CAPN12: variants seen among roughly 807,000 people sequenced by gnomAD.
CAPN12 encodes the protein calpain 12, also known as calpain-12.
A neutral mutation model predicts 95.0 loss-of-function variants in CAPN12; 107 were observed. That is an observed-to-expected ratio of 1.13 (90% CI 0.96 to 1.32). The LOEUF (loss-of-function observed/expected upper bound fraction) is 1.32. Among genes scored for constraint, CAPN12 ranks in the 40% most tolerant of loss-of-function variants. The pLI, the probability that CAPN12 is intolerant of heterozygous loss-of-function variation, is 0.00. For synonymous variants in CAPN12, 505 were observed against 415.5 expected (o/e 1.22, Z -2.62); for missense variants, 1,136 against 997.8 (o/e 1.14, Z -1.87).
At chr19:38,744,595 G>A (rs1046326229), upstream of CAPN12, 63 of 235,426 alleles carry the variant, frequency 2.7e-4, no homozygotes, top group African/African-American at 1.3e-3. Flanking sequence ...CTCTCTCCCC[G>A]CCTTCATGTT....
chr19:38,737,098 G>T, intron 10 of CAPN12, 58 bp downstream of exon 10: 2 of 259,384 alleles, frequency 7.7e-6, no homozygotes, highest in Admixed American at 9.5e-5. Flanking sequence ...TCCTTGGCCC[G>T]GCCCCGCCCC....
intron 18 of CAPN12, among the ~76,000 whole-genome samples, chr19:38,732,271 G>A (rs1007823456): frequency 1.3e-4 from 20 of 152,226 alleles, no homozygotes; most frequent in African/African-American, 4.3e-4. Flanking sequence ...CTCCCTCTCT[G>A]CCCCACGTCT....
rs772891989 is a variant in CAPN12, at chr19:38,740,083, C to T, written c.697G>A (p.Ala233Thr). 3 of 1,606,034 alleles carry T rather than the reference C, an allele frequency of 1.9e-6. No individual in the cohort carries two copies. The highest frequency in any genetic ancestry group is 1.1e-5 in the South Asian group (1 of 90,372). ...GLFSALRHAL[A>T]KESLVGATAL... is the part of the protein sequence containing the mutation. ...GTGGCGCCCACGAGGGACTCCTTGG[C>T]CAGGGCATGGCGCAGGGCAGAGAAC... The change falls in exon 5 of 21, where the codon GCC becomes ACC. Residue 233 changes from alanine to threonine, a missense_variant. By Grantham distance (58) the Ala-to-Thr change is moderately conservative. Coordinates refer to ENST00000328867, the MANE Select transcript of CAPN12 (RefSeq NM_144691.4).
chr19:38,734,889 CTTGTGAGGCCA>C lies in CAPN12; in HGVS notation c.1687-30_1687-20del. 1 of 1,611,784 alleles carries C rather than the reference CTTGTGAGGCCA, an allele frequency of 6.2e-7. No homozygotes were observed. Among genetic ancestry groups the C allele is most frequent in the Non-Finnish European group, 8.5e-7 (1 of 1,179,244 alleles). On this transcript the variant is annotated intron_variant, in intron 14 of 20. Transcript: ENST00000328867. ...CTTCCTCCTAGTCCAGGAAAGAGGGCTTGTGAGGCCATTTACTCATCCAGCTGCTCTGGGCC... is the reference window on the plus strand; with the variant it reads ...CTTCCTCCTAGTCCAGGAAAGAGGGCTTTACTCATCCAGCTGCTCTGGGCC...
In CAPN12 at chr19:38,734,306, GC is replaced by G. The variant is rs756292320; in HGVS notation, c.1815+12del. On this transcript the variant is annotated intron_variant, in intron 16 of 20. Transcript: ENST00000328867. ...CCACTCCCTCCCTCACCCAGGCACT[GC>G]CCCCCATGTACCCCGAAACACTGCA... The G allele has an allele frequency of 1.2e-6, 2 of 1,604,640 alleles. No homozygotes were observed. The highest frequency in any genetic ancestry group is 8.5e-7 in the Non-Finnish European group (1 of 1,174,842).
intron 12 of CAPN12, 76 bp downstream of exon 12, chr19:38,736,021 CTCGGGGGTCTCGG>C (rs1970103633): frequency 7.2e-6 from 1 of 138,844 alleles, no homozygotes; most frequent in East Asian, 6.0e-5. Context: ...TCTCGGGGGT[CTCGGGGGTCTCGG>C]GGGTCTCGGG....
chr19:38,733,480 T>A, intron 18 of CAPN12: 73 of 490,124 alleles, frequency 1.5e-4, no homozygotes, highest in Non-Finnish European at 1.9e-4. Flanking sequence ...CACATCCCCC[T>A]TTCATGTCCT....
In CAPN12 at chr19:38,736,216, A is replaced by AGCG. The variant is rs1568780556; in HGVS notation, c.1474_1476dup (p.Arg492dup). ...AGGTAGTGGCCTGGACGCAGGCAGCAGCGGCGGGTCACGTCGCGGCGGGCG... is the reference window on the plus strand; with the variant it reads ...AGGTAGTGGCCTGGACGCAGGCAGCAGCGGCGGCGGGTCACGTCGCGGCGGGCG... On this transcript the variant is annotated inframe_insertion, in exon 12 of 21. Coordinates refer to ENST00000328867, the MANE Select transcript of CAPN12 (RefSeq NM_144691.4). The AGCG allele has an allele frequency of 1.3e-5, 19 of 1,500,132 alleles. No homozygotes were observed. Among genetic ancestry groups the AGCG allele is most frequent in the East Asian group, 2.7e-5 (1 of 36,396 alleles). The allele number at this position is 1,500,132 out of a possible 1,614,324, so 92.9% of individuals were successfully genotyped here.
chr19:38,744,263 G>T lies in CAPN12; in HGVS notation c.-98C>A. On this transcript the variant is annotated 5_prime_UTR_variant, in exon 1 of 21. Coordinates refer to ENST00000328867, the MANE Select transcript of CAPN12 (RefSeq NM_144691.4). The stretch of plus-strand genomic sequence containing the variant: ...ATTGGAGCCCCAGTGGGGTCTTTAG[G>T]CAATGAGGAGCCTTCCCTCGTTAAT... The T allele has an allele frequency of 9.1e-7, 1 of 1,093,764 alleles. No homozygotes were observed. The highest frequency in any genetic ancestry group is 1.4e-6 in the Non-Finnish European group (1 of 726,988). The allele number at this position is 1,093,764 out of a possible 1,614,324, so 67.8% of individuals were successfully genotyped here.
Position 38,733,450 on chromosome 19 carries a change from G to C in CAPN12, c.1957+253C>G, listed in dbSNP as rs12986332. 0.28 allele frequency: 135,074 copies of C among 475,832 alleles called. 20,622 individuals are homozygous for C. Among genetic ancestry groups the C allele is most frequent in the South Asian group, 0.43 (13,414 of 30,868 alleles). The allele number at this position is 475,832 out of a possible 1,614,324, so 29.5% of individuals were successfully genotyped here. A position where few individuals can be genotyped will look rare whatever the true frequency, so the allele number is the denominator to read the frequency against. On this transcript the variant is annotated intron_variant, in intron 18 of 20. Transcript: ENST00000328867. The stretch of plus-strand genomic sequence containing the variant: ...CCCCTTCCTGGAGGGGCCTCTCCCT[G>C]CCCCAGAACCCCTACCAGGCACATC...
Position 38,744,220 on chromosome 19 carries a change from G to A in CAPN12, c.-55C>T, listed in dbSNP as rs1045367735. ...GGCCCTTTAACCTCCTGAGTCACGG[G>A]GGCGGGGCCTCTCTTCCATTGGAGC... On this transcript the variant is annotated 5_prime_UTR_variant, in exon 1 of 21. Coordinates refer to ENST00000328867, the MANE Select transcript of CAPN12 (RefSeq NM_144691.4). 6.5e-6 allele frequency: 10 copies of A among 1,535,952 alleles called. No individual in the cohort carries two copies. The African/African-American group carries it at 1.4e-4, about 21-fold the overall frequency.
chr19:38,736,419 G>A (rs768302160), intron 11 of CAPN12, 101 bp from the exon 12 acceptor site: 80 of 1,504,210 alleles, frequency 5.3e-5, no homozygotes, highest in Non-Finnish European at 6.5e-5. Context: ...CCCTGTCCAC[G>A]CCTCCCCTGC....
At chr19:38,731,373 C>A in intron 18 of CAPN12, 150 bp from the exon 19 acceptor site, 7 of 649,520 alleles carry the variant, frequency 1.1e-5, no homozygotes, top group Non-Finnish European at 2.0e-5. Flanking sequence ...ACAGGCTGAT[C>A]CCTTCAATCC....
chr19:38,732,119 C>A (rs1482547632), intron 18 of CAPN12, among the ~76,000 whole-genome samples: 3 of 152,240 alleles, frequency 2.0e-5, no homozygotes, highest in African/African-American at 7.2e-5. Context: ...GGCACTTTAT[C>A]AGTTTCCTTC....
At position 38,737,553 on chromosome 19, in the gene CAPN12, C is replaced by T. The variant is rs141065284; in HGVS notation, c.1051G>A (p.Gly351Arg). 1.8e-4 allele frequency: 291 copies of T among 1,612,470 alleles called. No individual in the cohort carries two copies. The highest frequency in any genetic ancestry group is 2.3e-4 in the Non-Finnish European group (276 of 1,179,840). ...SPEVLGPSPE[G>R]GGWHVHTFQG... The stretch of plus-strand genomic sequence containing the variant: ...AAGGTGTGGACGTGCCAGCCGCCCC[C>T]CTCCGGGCTGGGGCCCAGCACCTCC... Residue 351 changes from glycine to arginine, a missense_variant, in exon 9 of 21, where the codon GGG becomes AGG. Gly to Arg is a moderately radical substitution (Grantham distance 125). Coordinates refer to ENST00000328867, the MANE Select transcript of CAPN12 (RefSeq NM_144691.4).
chr19:38,740,359 G>T, intron 4 of CAPN12, 140 bp from the exon 5 acceptor site: 1 of 945,546 alleles, frequency 1.1e-6, no homozygotes. Flanking sequence ...TTTTTCCAGG[G>T]TCACCCTGTG....
Position 38,743,043 on chromosome 19 carries a change from C to T in CAPN12, c.297G>A (p.Gln99=), listed in dbSNP as rs200007340. Residue 99 remains glutamine, a synonymous_variant, in exon 2 of 21, where the codon CAG becomes CAA. Transcript: ENST00000328867. The part of the protein sequence containing the change: ...CEDMSRTDVC[Q]GSLGNCWFLA... ...GGTTCAGGGTCTCACCCAGGCTCCC[C>T]TGACACACGTCTGTGCGGCTCATGT... is the stretch of plus-strand genomic sequence containing the variant. 3.8e-5 allele frequency: 62 copies of T among 1,613,840 alleles called. No individual in the cohort carries two copies. The African/African-American group carries it at 7.7e-4, about 20-fold the overall frequency.
chr19:38,730,977 C>G lies in CAPN12; in HGVS notation c.2121G>C (p.Leu707=). Reference sequence around the variant, plus strand: ...CCACCTGGCTCACCTGTCTGTGGGTCAGGCAGATGACCCCCTCACCCCCAT... The same window carrying G: ...CCACCTGGCTCACCTGTCTGTGGGTGAGGCAGATGACCCCCTCACCCCCAT... ...HLDGGEGVIC[L]THRQWMEVAT... The change falls in exon 20 of 21, where the codon CTG becomes CTC. Residue 707 remains leucine, a synonymous_variant. Transcript: ENST00000328867. The G allele has an allele frequency of 6.4e-7, 1 of 1,551,002 alleles. No homozygotes were observed. Among genetic ancestry groups the G allele is most frequent in the African/African-American group, 1.4e-5 (1 of 73,190 alleles).
chr19:38,730,705 G>A lies in CAPN12; in HGVS notation c.*147C>T. 1 of 960,418 alleles carries A rather than the reference G, an allele frequency of 1.0e-6. No homozygotes were observed. The highest frequency in any genetic ancestry group is 1.6e-6 in the Non-Finnish European group (1 of 636,132). 59.5% of individuals were successfully genotyped at this position (960,418 alleles called of 1,614,324 possible). A position where few individuals can be genotyped will look rare whatever the true frequency, so the allele number is the denominator to read the frequency against. On this transcript the variant is annotated 3_prime_UTR_variant, in exon 21 of 21. Coordinates refer to ENST00000328867, the MANE Select transcript of CAPN12 (RefSeq NM_144691.4). ...AGTGAGGAGTACGCAGGCCAGAGTG[G>A]TCACCCGGCCGTGAGCAGTGAGGGC... is the stretch of plus-strand genomic sequence containing the variant.
Sources: allele counts gnomAD v4.1 joint callset (sites outside exome capture counted in the v4.1 genomes callset), GRCh38; gene constraint gnomAD v4.1.1; transcripts MANE v1.5; gene names NCBI Gene and HGNC (gene_info 2026-07-23, HGNC 2026-07-21).